Variants in ZNF473 observed in about 807,000 individuals in gnomAD.
ZNF473 encodes the protein zinc finger protein 473.
Under a neutral mutation model 11.1 loss-of-function variants are expected in ZNF473, and 4 were observed. The ratio of observed to expected loss-of-function variants is 0.36; its 90% confidence interval spans 0.18 to 0.82. The LOEUF (loss-of-function observed/expected upper bound fraction) is 0.82, where lower values mean the gene tolerates loss of function less well. Among genes scored for constraint, ZNF473 ranks in the 40% least tolerant of loss-of-function variants. The pLI, the probability that ZNF473 is intolerant of heterozygous loss-of-function variation, is 0.49. For synonymous variants in ZNF473, 404 were observed against 390.4 expected (o/e 1.03, Z -0.41); for missense variants, 854 against 1,084.0 (o/e 0.79, Z 2.98).
Position 50,030,989 on chromosome 19 carries a change from C to A in ZNF473, c.-94C>A. On this transcript the variant is annotated 5_prime_UTR_variant, in exon 2 of 5. The change creates a premature stop within an existing upstream ORF in the 5' untranslated region. Transcript: ENST00000270617. ...GCCATGGGTGGAAGGGAGGCTTTCT[C>A]ACAGCTCCCTTGTGCTTCCCACAGC... The A allele has an allele frequency of 6.5e-7, 1 of 1,528,666 alleles. No homozygotes were observed. The highest frequency in any genetic ancestry group is 1.2e-5 in the South Asian group (1 of 83,560). 94.7% of individuals were successfully genotyped at this position (1,528,666 alleles called of 1,614,324 possible).
At chr19:50,029,388 C>T (rs1262307601) in intron 1 of ZNF473, among the ~76,000 whole-genome samples, 3 of 152,226 alleles carry the variant, frequency 2.0e-5, no homozygotes, top group Admixed American at 6.5e-5. Flanking sequence ...CCTCGTGATC[C>T]GCCTGCCTTG....
chr19:50,032,006 G>GAGCT (rs1437317961), intron 2 of ZNF473, among the ~76,000 whole-genome samples: 3 of 151,900 alleles, frequency 2.0e-5, no homozygotes, highest in Admixed American at 2.0e-4. Flanking sequence ...GTCAGACCAT[G>GAGCT]AGCTCCATGA....
rs1254129599 is a variant in ZNF473 at position 50,048,645 on chromosome 19, A to C, written c.*1586A>C. On this transcript the variant is annotated 3_prime_UTR_variant, in exon 5 of 5. Transcript: ENST00000270617. ...AGGGCTGTGACACAATAGGGACTCT[A>C]TGGAAAACTGGCAGCCATTGGGTGT... The C allele has an allele frequency of 1.3e-5, 2 of 152,420 alleles. No homozygotes were observed. Among genetic ancestry groups the C allele is most frequent in the East Asian group, 3.9e-4 (2 of 5,194 alleles). 9.4% of individuals were successfully genotyped at this position (152,420 alleles called of 1,614,324 possible). A position where few individuals can be genotyped will look rare whatever the true frequency, so the allele number is the denominator to read the frequency against.
intron 4 of ZNF473, 146 bp downstream of exon 4, chr19:50,041,965 C>T: frequency 1.6e-6 from 1 of 625,942 alleles, no homozygotes; most frequent in South Asian, 2.1e-5. Context: ...GCTTCCATCC[C>T]CTTGTCCTGG....
chr19:50,027,901 C>G (rs2077295471), intron 1 of ZNF473, among the ~76,000 whole-genome samples: 1 of 152,166 alleles, frequency 6.6e-6, no homozygotes, highest in South Asian at 2.1e-4. Context: ...GTTGATCAGG[C>G]TGGTCTTGGA....
chr19:50,045,432 C>G lies in ZNF473; in HGVS notation c.989C>G (p.Thr330Ser). Residue 330 changes from threonine to serine, a missense_variant, in exon 5 of 5, where the codon ACC becomes AGC. Physicochemically the swap from Thr to Ser is moderately conservative, Grantham distance 58. Coordinates refer to ENST00000270617, the MANE Select transcript of ZNF473 (RefSeq NM_015428.4). ...TGTAACGAATGCGGCAAGGCTTTTA[C>G]CCGGATCTTCCACCTTACTCGGCAC... is the stretch of plus-strand genomic sequence containing the variant. ...YNCNECGKAFTRIFHLTRHQK... is the reference protein window; with the variant it reads ...YNCNECGKAFSRIFHLTRHQK... 1.2e-6 allele frequency: 2 copies of G among 1,614,110 alleles called. No homozygotes were observed. Among genetic ancestry groups the G allele is most frequent in the Non-Finnish European group, 1.7e-6 (2 of 1,180,012 alleles).
intron 2 of ZNF473, among the ~76,000 whole-genome samples, chr19:50,033,455 C>T (rs917347294): frequency 2.0e-5 from 3 of 152,138 alleles, no homozygotes; most frequent in East Asian, 1.9e-4. Context: ...ATCCGGAGGC[C>T]GTTGGAGGGT....
chr19:50,032,349 T>G (rs2077322839), intron 2 of ZNF473, among the ~76,000 whole-genome samples: 1 of 151,706 alleles, frequency 6.6e-6, no homozygotes, highest in African/African-American at 2.4e-5. Flanking sequence ...AGGAGACTAT[T>G]AATTATATAA....
intron 2 of ZNF473, among the ~76,000 whole-genome samples, chr19:50,032,040 C>T (rs1017579552): frequency 2.6e-5 from 4 of 151,742 alleles, no homozygotes; most frequent in South Asian, 4.2e-4. Flanking sequence ...GTCTGACACA[C>T]GTCCATGTCC....
chr19:50,043,646 C>T (rs147012282), intron 4 of ZNF473, among the ~76,000 whole-genome samples: 12 of 151,866 alleles, frequency 7.9e-5, no homozygotes, highest in East Asian at 1.9e-4. Context: ...TTCTCGTGGC[C>T]GCCTCTGTGG....
At chr19:50,029,178 C>G (rs1346786064) in intron 1 of ZNF473, among the ~76,000 whole-genome samples, 1 of 152,340 alleles carries the variant, frequency 6.6e-6, no homozygotes, top group Non-Finnish European at 1.5e-5. Context: ...GAGTCTCGCT[C>G]TGTCGCCCAG....
At chr19:50,034,567 A>T (rs1488994469) in intron 2 of ZNF473, among the ~76,000 whole-genome samples, 1 of 151,842 alleles carries the variant, frequency 6.6e-6, no homozygotes, top group African/African-American at 2.4e-5. Flanking sequence ...CATCCCCAAT[A>T]AGTAACCTGA....
At chr19:50,035,563 A>G (rs1193136376) in intron 2 of ZNF473, among the ~76,000 whole-genome samples, 1 of 151,798 alleles carries the variant, frequency 6.6e-6, no homozygotes, top group Non-Finnish European at 1.5e-5. Context: ...TAAATCTCAT[A>G]AGGACAGGAA....
chr19:50,044,662 T>G lies in ZNF473; in HGVS notation c.227-8T>G. On this transcript the variant is annotated splice_polypyrimidine_tract_variant and splice_region_variant and intron_variant, in intron 4 of 4. Coordinates refer to ENST00000270617, the MANE Select transcript of ZNF473 (RefSeq NM_015428.4). ...GTGAACAGGAGACATTTGCACTTGC[T>G]CTTTCAGATGTGACTGAGACCAAGA... The G allele has an allele frequency of 3.1e-6, 5 of 1,595,976 alleles. No homozygotes were observed. The highest frequency in any genetic ancestry group is 4.3e-6 in the Non-Finnish European group (5 of 1,171,018).
Position 50,030,957 on chromosome 19 carries a change from C to G in ZNF473, c.-126C>G. 1.4e-6 allele frequency: 2 copies of G among 1,389,690 alleles called. No individual in the cohort carries two copies. Among genetic ancestry groups the G allele is most frequent in the Admixed American group, 3.9e-5 (2 of 50,648 alleles). 86.1% of individuals were successfully genotyped at this position (1,389,690 alleles called of 1,614,324 possible). A position where few individuals can be genotyped will look rare whatever the true frequency, so the allele number is the denominator to read the frequency against. On this transcript the variant is annotated 5_prime_UTR_variant, in exon 2 of 5. Transcript: ENST00000270617. ...TTTGGGGGCTCGTCAGCATGGACAG[C>G]GAGTCAGCCATGGGTGGAAGGGAGG...
Position 50,045,566 on chromosome 19 carries a change from T to C in ZNF473, c.1123T>C (p.Ser375Pro). The change falls in exon 5 of 5, where the codon TCT becomes CCT. Residue 375 changes from serine to proline, a missense_variant. Physicochemically the swap from Ser to Pro is moderately conservative, Grantham distance 74. This residue lies in a region of ZNF473 where 668 missense variants were observed against 790.2 expected (regional missense o/e 0.85). Transcript: ENST00000270617. ...HQKTHAAKTT[S>P]ECQECGKIFR... ...GAAAACTCACGCTGCAAAAACTACCTCTGAGTGTCAGGAGTGTGGGAAGAT... is the reference window on the plus strand; with the variant it reads ...GAAAACTCACGCTGCAAAAACTACCCCTGAGTGTCAGGAGTGTGGGAAGAT... The C allele has an allele frequency of 6.2e-7, 1 of 1,614,132 alleles. No homozygotes were observed. The highest frequency in any genetic ancestry group is 2.2e-5 in the East Asian group (1 of 44,876).
rs1346193237 is a variant in ZNF473 at position 50,030,789 on chromosome 19, C to A, written c.-191-103C>A. On this transcript the variant is annotated intron_variant, in intron 1 of 4. Coordinates refer to ENST00000270617, the MANE Select transcript of ZNF473 (RefSeq NM_015428.4). ...GTGCTGACTGACTGTTAGGTGCTAA[C>A]CCACCATTGTTGGTGGCGAAGCTGT... 9.8e-6 allele frequency: 5 copies of A among 512,008 alleles called. No individual in the cohort carries two copies. The South Asian group carries it at 1.1e-4, about 11-fold the overall frequency. The allele number at this position is 512,008 out of a possible 1,614,324, so 31.7% of individuals were successfully genotyped here.
intron 1 of ZNF473, 91 bp from the exon 2 acceptor site, chr19:50,030,801 G>T: frequency 1.9e-6 from 1 of 527,184 alleles, no homozygotes; most frequent in Non-Finnish European, 3.5e-6. Flanking sequence ...CACCATTGTT[G>T]GTGGCGAAGC....
intron 1 of ZNF473, among the ~76,000 whole-genome samples, chr19:50,029,194 AG>A (rs1294303224): frequency 6.6e-6 from 1 of 152,174 alleles, no homozygotes; most frequent in Non-Finnish European, 1.5e-5. Context: ...CCCAGGCTGG[AG>A]TGCATGGCGC....
Sources: gnomAD v4.1 joint callset for allele counts (sites outside exome capture counted in the v4.1 genomes callset) on GRCh38, gnomAD v4.1.1 for gene constraint, gnomAD v4.1.1 regional missense constraint, MANE v1.5 for transcripts, NCBI Gene and HGNC (gene_info 2026-07-23, HGNC 2026-07-21) for gene names.